Variants in KLHL1 observed in about 807,000 individuals in gnomAD.
KLHL1 encodes kelch like family member 1, also known as kelch-like protein 1.
Under a neutral mutation model 77.7 loss-of-function variants are expected in KLHL1, and 47 were observed. That is an observed-to-expected ratio of 0.60 (90% CI 0.48 to 0.77). KLHL1 has a LOEUF of 0.77. Among genes scored for constraint, KLHL1 ranks in the 30% least tolerant of loss-of-function variants. KLHL1 has a pLI of 0.00. For synonymous variants in KLHL1, 360 were observed against 325.2 expected, an observed-to-expected ratio of 1.11 and a Z score of -1.15; for missense variants, 925 against 910.8, an observed-to-expected ratio of 1.02 and a Z score of -0.20.
chr13:69,811,214 CA>C, intron 6 of KLHL1, among the ~76,000 whole-genome samples: 1 of 152,074 alleles, frequency 6.6e-6, no homozygotes, highest in Middle Eastern at 3.4e-3. Context: ...AGCATAGAAA[CA>C]AAAATCCTCA....
intron 1 of KLHL1, among the ~76,000 whole-genome samples, chr13:70,029,587 A>G (rs1203981333): frequency 2.0e-5 from 3 of 152,180 alleles, no homozygotes; most frequent in African/African-American, 4.8e-5. Flanking sequence ...CTGCCCTAAA[A>G]GAGCTCATGA....
intron 7 of KLHL1, among the ~76,000 whole-genome samples, chr13:69,759,957 C>T (rs1229737854): frequency 6.6e-6 from 1 of 152,138 alleles, no homozygotes; most frequent in Admixed American, 6.6e-5. Flanking sequence ...GTAAGAGTTT[C>T]TAGTGACTCA....
intron 7 of KLHL1, among the ~76,000 whole-genome samples, chr13:69,788,829 A>AAGAT (rs1158292144): frequency 6.6e-6 from 1 of 152,154 alleles, no homozygotes; most frequent in African/African-American, 2.4e-5. Context: ...ATCAGCCTAT[A>AAGAT]AGATAGGTAA....
At chr13:69,717,861 C>T (rs1213077878) in intron 9 of KLHL1, among the ~76,000 whole-genome samples, 3 of 152,104 alleles carry the variant, frequency 2.0e-5, no homozygotes, top group Non-Finnish European at 4.4e-5. Context: ...CCTGTAGTTC[C>T]TGATTTCCGT....
chr13:69,724,106 A>G (rs1301254537), intron 8 of KLHL1, among the ~76,000 whole-genome samples: 1 of 152,086 alleles, frequency 6.6e-6, no homozygotes, highest in Non-Finnish European at 1.5e-5. Context: ...AAGTGCTGGG[A>G]TTACAGTCGT....
chr13:69,924,074 C>T lies in KLHL1; in HGVS notation c.1014+15966G>A, dbSNP rs567723579. On this transcript the variant is annotated intron_variant, in intron 4 of 10. Transcript: ENST00000377844. ...CTGCAGCAGTGCTGACATGCCAACT[C>T]CCTGCTGCCTCGACCCCCTCTGGAC... is the stretch of plus-strand genomic sequence containing the variant. Among the ~76,000 whole-genome samples the T allele has an allele frequency of 3.3e-5, 5 of 152,194 alleles. No homozygotes were observed. In the South Asian group the frequency reaches 1.0e-3, roughly 31 times the overall value.
At position 70,080,286 on chromosome 13, in the gene KLHL1, G is replaced by A. The variant is rs1033540905; in HGVS notation, c.497+26917C>T. On this transcript the variant is annotated intron_variant, in intron 1 of 10. Coordinates refer to ENST00000377844, the MANE Select transcript of KLHL1 (RefSeq NM_020866.3). ...AAGACACCTGTCAACACTTGGCAAG[G>A]GCTCAGAGAGTGCAGCCATTAAGTG... 1.4e-4 allele frequency among the ~76,000 whole-genome samples: 21 copies of A among 152,186 alleles called. No individual in the cohort carries two copies. In the Middle Eastern group the frequency reaches 0.014, roughly 99 times the overall value.
intron 4 of KLHL1, among the ~76,000 whole-genome samples, chr13:69,915,454 C>T (rs1232267121): frequency 6.6e-6 from 1 of 152,192 alleles, no homozygotes; most frequent in Non-Finnish European, 1.5e-5. Flanking sequence ...CTACAACTAT[C>T]TGATCTTTGA....
intron 7 of KLHL1, among the ~76,000 whole-genome samples, chr13:69,771,484 A>T (rs987394333): frequency 6.6e-6 from 1 of 152,174 alleles, no homozygotes; most frequent in Admixed American, 6.5e-5. Flanking sequence ...GTAAGGGCCA[A>T]GGTTAGAAAT....
In KLHL1 at chr13:69,701,682, C is replaced by A; in HGVS notation, c.*20G>T. The A allele has an allele frequency of 2.5e-6, 4 of 1,580,704 alleles. No homozygotes were observed. Among genetic ancestry groups the A allele is most frequent in the Non-Finnish European group, 2.6e-6 (3 of 1,154,264 alleles). The stretch of plus-strand genomic sequence containing the variant: ...AACCACTCCAGCAAGTAAAATCTTT[C>A]CAAGTAAAATATCAATAAGTCAAGG... On this transcript the variant is annotated 3_prime_UTR_variant, in exon 11 of 11. Coordinates refer to ENST00000377844, the MANE Select transcript of KLHL1 (RefSeq NM_020866.3).
At chr13:69,803,029 C>T (rs575468276) in intron 6 of KLHL1, 2 of 152,178 alleles carry the variant, frequency 1.3e-5, no homozygotes, top group East Asian at 1.9e-4. Context: ...CTGCTTCTCT[C>T]GACCAGCCTT....
intron 5 of KLHL1, among the ~76,000 whole-genome samples, chr13:69,865,580 G>T (rs1463716818): frequency 2.6e-5 from 4 of 152,070 alleles, no homozygotes; most frequent in African/African-American, 9.7e-5. Flanking sequence ...GATGTCACAG[G>T]AGTTTGGCAA....
intron 1 of KLHL1, among the ~76,000 whole-genome samples, chr13:70,001,907 G>A (rs867636582): frequency 4.6e-5 from 7 of 151,514 alleles, no homozygotes; most frequent in Non-Finnish European, 5.9e-5. Context: ...GCTAAAGTTA[G>A]CAACAAAGGA....
At position 70,086,590 on chromosome 13, in the gene KLHL1, AAAAGAAAGAAAGAAAGAAAGAAAG is replaced by A. The variant is rs869169817; in HGVS notation, c.497+20589_497+20612del. On this transcript the variant is annotated intron_variant, in intron 1 of 10. Coordinates refer to ENST00000377844, the MANE Select transcript of KLHL1 (RefSeq NM_020866.3). ...TCTGTCTCAAAAAAAAAAAAAAAAAAAAAGAAAGAAAGAAAGAAAGAAAGAAAGAAAGAAAGAAAGAAAAAAGAA... is the reference window on the plus strand; with the variant it reads ...TCTGTCTCAAAAAAAAAAAAAAAAAAAAAGAAAGAAAGAAAGAAAAAAGAA... Among the ~76,000 whole-genome samples, 8 of 85,788 alleles carry A rather than the reference AAAAGAAAGAAAGAAAGAAAGAAAG, an allele frequency of 9.3e-5. 1 individual carries two copies. The highest frequency in any genetic ancestry group is 1.7e-4 in the Non-Finnish European group (8 of 48,018). 56.3% of individuals were successfully genotyped at this position (85,788 alleles called of 152,430 possible).
At chr13:69,816,679 A>T (rs1016821969) in intron 6 of KLHL1, among the ~76,000 whole-genome samples, 4 of 152,196 alleles carry the variant, frequency 2.6e-5, no homozygotes, top group African/African-American at 9.7e-5. Context: ...GCTGGTAATG[A>T]TGACACAACA....
At chr13:69,921,136 T>C (rs1888898) in intron 4 of KLHL1, among the ~76,000 whole-genome samples, 140,575 of 152,244 alleles carry the variant, frequency 0.92, 65,329 homozygotes, top group South Asian at 0.98. Context: ...GTTGCAATTA[T>C]AATAGCATTT....
intron 7 of KLHL1, among the ~76,000 whole-genome samples, chr13:69,748,900 C>G (rs1874344298): frequency 6.6e-6 from 1 of 151,960 alleles, no homozygotes; most frequent in Non-Finnish European, 1.5e-5. Flanking sequence ...TCAAACATCT[C>G]TAACTATAAT....
intron 8 of KLHL1, among the ~76,000 whole-genome samples, chr13:69,731,578 T>C (rs947494702): frequency 4.6e-5 from 7 of 152,170 alleles, no homozygotes; most frequent in African/African-American, 1.4e-4. Context: ...TTTTTTGATA[T>C]TGAGAGTGAT....
At chr13:69,849,919 C>T (rs1032998871) in intron 5 of KLHL1, among the ~76,000 whole-genome samples, 5 of 151,372 alleles carry the variant, frequency 3.3e-5, no homozygotes, top group African/African-American at 1.2e-4. Context: ...AATATCACAT[C>T]TCAAATTCAA....
Sources: allele counts gnomAD v4.1 joint callset (sites outside exome capture counted in the v4.1 genomes callset), GRCh38; gene constraint gnomAD v4.1.1; transcripts MANE v1.5; gene names NCBI Gene and HGNC (gene_info 2026-07-23, HGNC 2026-07-21).